EEIG1: variants seen among roughly 807,000 people sequenced by gnomAD.
The protein encoded by EEIG1 is early estrogen-induced gene 1 protein.
the EEIG1 span, chr9:127,945,378 A>T: frequency 5.9e-5 from 94 of 1,585,958 alleles, no homozygotes; most frequent in Non-Finnish European, 7.6e-5. This position sits in a 1 kb window ranked among gnomAD's most constrained non-coding sequence, Gnocchi z 6.5. Context: ...TGAAAGAGCG[A>T]TCGGACAGAT....
chr9:127,958,317 A>T, the EEIG1 span, among the ~76,000 whole-genome samples: 1 of 152,234 alleles, frequency 6.6e-6, no homozygotes, highest in Non-Finnish European at 1.5e-5. Context: ...TGGATATAAT[A>T]CCAGAAGTAC....
chr9:127,943,024 G>A, the EEIG1 span: 281 of 671,414 alleles, frequency 4.2e-4, 2 homozygotes, highest in African/African-American at 4.5e-3. Flanking sequence ...CAGCATGGAT[G>A]GGAGGGGCAA....
At chr9:127,953,325 G>A in the EEIG1 span, 1 of 553,510 alleles carries the variant, frequency 1.8e-6, no homozygotes, top group Non-Finnish European at 3.2e-6. Context: ...GAGGCCTGGA[G>A]AGAGGAAAGG....
chr9:127,973,565 G>T, the EEIG1 span, among the ~76,000 whole-genome samples: 2 of 152,242 alleles, frequency 1.3e-5, no homozygotes, highest in African/African-American at 4.8e-5. The surrounding 1 kb of genome is among the most constrained non-coding windows in gnomAD (Gnocchi z 4.2). Flanking sequence ...CAACAGTGCA[G>T]CCAGCTGGCA....
the EEIG1 span, among the ~76,000 whole-genome samples, chr9:127,966,474 G>T: frequency 6.6e-6 from 1 of 151,778 alleles, no homozygotes; most frequent in South Asian, 2.1e-4. Context: ...ATGCAGGCAG[G>T]TGTGGGCATC....
At chr9:127,978,282 C>T in the EEIG1 span, among the ~76,000 whole-genome samples, 1 of 152,198 alleles carries the variant, frequency 6.6e-6, no homozygotes, top group Non-Finnish European at 1.5e-5. Flanking sequence ...GCCAGCAGGC[C>T]CCCAAACCAG....
the EEIG1 span, among the ~76,000 whole-genome samples, chr9:127,951,893 CCCAACAGAGACAGGACTGAAACTAGG>C: frequency 6.6e-6 from 1 of 151,824 alleles, no homozygotes; most frequent in Non-Finnish European, 1.5e-5. Flanking sequence ...AAACAGCTAA[CCCAACAGAGACAGGACTGAAACTAGG>C]CCTGATCAGC....
chr9:127,952,673 C>G, the EEIG1 span, among the ~76,000 whole-genome samples: 42 of 152,100 alleles, frequency 2.8e-4, no homozygotes, highest in African/African-American at 1.0e-3. Flanking sequence ...AAAAAGATGC[C>G]CAGAATGGAT....
the EEIG1 span, chr9:127,945,625 G>C: frequency 8.9e-6 from 14 of 1,568,558 alleles, no homozygotes; most frequent in East Asian, 2.1e-4. The surrounding 1 kb of genome is among the most constrained non-coding windows in gnomAD (Gnocchi z 6.5). Context: ...GAGGCCACGG[G>C]GGCAGGGCCA....
At chr9:127,961,934 T>C in the EEIG1 span, among the ~76,000 whole-genome samples, 2 of 152,258 alleles carry the variant, frequency 1.3e-5, no homozygotes, top group East Asian at 3.9e-4. Context: ...GCAGCCTTGG[T>C]CCTAAGCTTA....
the EEIG1 span, among the ~76,000 whole-genome samples, chr9:127,951,570 C>T: frequency 0.012 from 1,778 of 152,198 alleles, 103 homozygotes; most frequent in Admixed American, 0.11. Context: ...AATCCCAGCA[C>T]TTTGGGAGGC....
the EEIG1 span, chr9:127,941,745 G>C: frequency 3.9e-5 from 6 of 152,294 alleles, no homozygotes; most frequent in South Asian, 4.1e-4. Flanking sequence ...CGGCCCCCCA[G>C]CTGGGCCCCA....
the EEIG1 span, chr9:127,945,397 C>T: frequency 1.0e-5 from 16 of 1,586,572 alleles, no homozygotes; most frequent in African/African-American, 1.3e-4. The surrounding 1 kb of genome is among the most constrained non-coding windows in gnomAD (Gnocchi z 6.5). Context: ...ATGCAGGGGC[C>T]GGGGTGGCCG....
the EEIG1 span, chr9:127,944,855 C>T: frequency 1.2e-6 from 2 of 1,612,588 alleles, no homozygotes; most frequent in Non-Finnish European, 8.5e-7. Flanking sequence ...ATCCGCGTGT[C>T]GTCCACCCAG....
At chr9:127,949,119 T>G in the EEIG1 span, among the ~76,000 whole-genome samples, 1 of 151,758 alleles carries the variant, frequency 6.6e-6, no homozygotes, top group Non-Finnish European at 1.5e-5. Context: ...CTCGAGACCA[T>G]CCTGGCTAAC....
chr9:127,977,972 G>C, the EEIG1 span, among the ~76,000 whole-genome samples: 1 of 152,206 alleles, frequency 6.6e-6, no homozygotes, highest in African/African-American at 2.4e-5. Flanking sequence ...CACTCAGCCA[G>C]TGAGTAGCCA....
At chr9:127,951,293 C>T in the EEIG1 span, among the ~76,000 whole-genome samples, 1 of 152,200 alleles carries the variant, frequency 6.6e-6, no homozygotes, top group African/African-American at 2.4e-5. Context: ...CTGCTTACCA[C>T]CTCCTGCCCA....
At chr9:127,966,062 C>T in the EEIG1 span, among the ~76,000 whole-genome samples, 1 of 142,968 alleles carries the variant, frequency 7.0e-6, no homozygotes, top group South Asian at 2.5e-4. Context: ...CTGGGATTGG[C>T]GGGTGGGCCG....
At chr9:127,946,663 A>G in the EEIG1 span, among the ~76,000 whole-genome samples, 1 of 152,172 alleles carries the variant, frequency 6.6e-6, no homozygotes, top group Non-Finnish European at 1.5e-5. Flanking sequence ...CTTCTGGGGA[A>G]CCCCATCCAG....
Sources: gnomAD v4.1 joint callset for allele counts (sites outside exome capture counted in the v4.1 genomes callset) on GRCh38, gnomAD v4.1.1 for gene constraint, Gnocchi (gnomAD v3.1) non-coding constraint, MANE v1.5 for transcripts, NCBI Gene and HGNC (gene_info 2026-07-23, HGNC 2026-07-21) for gene names.